Variants in TUBAL3 observed in about 807,000 individuals in gnomAD.
TUBAL3 encodes tubulin alpha like 3.
TUBAL3 carries 16 observed loss-of-function variants against 15.5 expected under a neutral mutation model. The observed-to-expected ratio is 1.04, with a 90% CI of 0.70 to 1.57. The LOEUF (loss-of-function observed/expected upper bound fraction) is 1.57, where lower values mean the gene tolerates loss of function less well. Among genes scored for constraint, TUBAL3 ranks in the 40% most tolerant of loss-of-function variants. The pLI, the probability that TUBAL3 is intolerant of heterozygous loss-of-function variation, is 0.00. For synonymous variants in TUBAL3, 238 were observed against 224.3 expected, an observed-to-expected ratio of 1.06 and a Z score of -0.55; for missense variants, 609 against 576.2, an observed-to-expected ratio of 1.06 and a Z score of -0.58.
At chr10:5,399,063 C>T (rs1334952057) in intron 2 of TUBAL3, among the ~76,000 whole-genome samples, 4 of 152,092 alleles carry the variant, frequency 2.6e-5, no homozygotes, top group African/African-American at 9.7e-5. Context: ...AGAAGGCAAA[C>T]CTAGGACCAA....
intron 1 of TUBAL3, among the ~76,000 whole-genome samples, chr10:5,402,262 A>G (rs1209095998): frequency 6.6e-6 from 1 of 152,234 alleles, no homozygotes; most frequent in Non-Finnish European, 1.5e-5. Context: ...TAAACAGACA[A>G]TGATCTACGT....
chr10:5,393,449 C>G lies in TUBAL3; in HGVS notation c.*68G>C. ...CTCATCAGGGGAACTACCCACTAGG[C>G]ATATAACGGCTTGAAAAGAAAACAT... On this transcript the variant is annotated 3_prime_UTR_variant, in exon 4 of 4. Transcript: ENST00000380419. 1 of 1,390,766 alleles carries G rather than the reference C, an allele frequency of 7.2e-7. No individual in the cohort carries two copies. Among genetic ancestry groups the G allele is most frequent in the Non-Finnish European group, 9.8e-7 (1 of 1,020,336 alleles). 86.2% of individuals were successfully genotyped at this position (1,390,766 alleles called of 1,614,324 possible).
At position 5,394,202 on chromosome 10, in the gene TUBAL3, A is replaced by G; in HGVS notation, c.656T>C (p.Ile219Thr). ...FMVDNEAVYD[I>T]CHRKLGVECP... is the part of the protein sequence containing the mutation. ...TTCAACACCGAGTTTACGATGGCAT[A>G]TATCATAGACGGCCTCGTTGTCCAC... The change falls in exon 4 of 4, where the codon ATA (isoleucine) becomes ACA (threonine). Residue 219 changes from isoleucine (I) to threonine (T), a missense_variant. Ile to Thr is a moderately conservative substitution (Grantham distance 89). Coordinates refer to ENST00000380419, the MANE Select transcript of TUBAL3 (RefSeq NM_024803.3). The surrounding 1 kb of genome is among the most constrained non-coding windows in gnomAD (Gnocchi z 4.3). The G allele has an allele frequency of 1.2e-6, 2 of 1,614,192 alleles. No individual in the cohort carries two copies. Among genetic ancestry groups the G allele is most frequent in the East Asian group, 2.2e-5 (1 of 44,890 alleles).
rs1554814601 is a variant in TUBAL3, at chr10:5,400,997, G to T, written c.94C>A (p.Pro32Thr). 1.9e-6 allele frequency: 3 copies of T among 1,614,186 alleles called. No individual in the cohort carries two copies. Among genetic ancestry groups the T allele is most frequent in the African/African-American group, 2.7e-5 (2 of 75,036 alleles). ...ELYCLEHGIQ[P>T]NGVVLDTQQD... ...TGAGTGTCAAGAACAACGCCATTTG[G>T]CTGGATTCCATGTTCCAGGCAATAG... is the stretch of plus-strand genomic sequence containing the variant. The change falls in exon 2 of 4, where the codon CCA becomes ACA. Residue 32 changes from proline to threonine, a missense_variant. By Grantham distance (38) the Pro-to-Thr change is conservative. Coordinates refer to ENST00000380419, the MANE Select transcript of TUBAL3 (RefSeq NM_024803.3).
In TUBAL3 at chr10:5,394,394, C is replaced by G. The variant is rs1193892941; in HGVS notation, c.464G>C (p.Gly155Ala). The stretch of plus-strand genomic sequence containing the variant: ...CCTCTCCATTAAGAGAGACGTAAAC[C>G]CTGAACCAGTGCCTCCTCCAAAGCT... ...FRSFGGGTGS[G>A]FTSLLMERLT... The change falls in exon 4 of 4, where the codon GGG becomes GCG. Residue 155 changes from glycine to alanine, a missense_variant. Gly to Ala is a moderately conservative substitution (Grantham distance 60, BLOSUM62 0). Transcript: ENST00000380419. The surrounding 1 kb of genome is among the most constrained non-coding windows in gnomAD (Gnocchi z 4.3). 2 of 1,613,924 alleles carry G rather than the reference C, an allele frequency of 1.2e-6. No homozygotes were observed. The highest frequency in any genetic ancestry group is 2.7e-5 in the African/African-American group (2 of 74,884).
intron 1 of TUBAL3, 129 bp from the exon 2 acceptor site, chr10:5,401,216 G>T: frequency 8.6e-7 from 1 of 1,169,472 alleles, no homozygotes; most frequent in Non-Finnish European, 1.2e-6. Context: ...GTGTTATAAG[G>T]ATAATCAAAA....
At position 5,393,765 on chromosome 10, in the gene TUBAL3, G is replaced by T. The variant is rs1420803969; in HGVS notation, c.1093C>A (p.Arg365=). The change falls in exon 4 of 4, where the codon CGG becomes AGG. Residue 365 remains arginine, a synonymous_variant. Coordinates refer to ENST00000380419, the MANE Select transcript of TUBAL3 (RefSeq NM_024803.3). Reference sequence around the variant, plus strand: ...CCACCCGGCATCACCGTGGGCGGCCGATTGTTGATGCCCACCTTGAAACCA... The same window carrying T: ...CCACCCGGCATCACCGTGGGCGGCCTATTGTTGATGCCCACCTTGAAACCA... ...PTGFKVGINN[R]PPTVMPGGDL... is the part of the protein sequence containing the mutation. The T allele has an allele frequency of 6.2e-7, 1 of 1,614,240 alleles. No homozygotes were observed. Among genetic ancestry groups the T allele is most frequent in the Admixed American group, 1.7e-5 (1 of 60,028 alleles).
Position 5,401,044 on chromosome 10 carries a change from A to C in TUBAL3, c.47T>G (p.Ile16Ser). Reference sequence around the variant, plus strand: ...ATAGAGTTCCCAGCAGGCGTCCCCAATCTGGATGCCAGCTTGACCGATGTG... The same window carrying C: ...ATAGAGTTCCCAGCAGGCGTCCCCACTCTGGATGCCAGCTTGACCGATGTG... ...SIHIGQAGIQ[I>S]GDACWELYCL... The change falls in exon 2 of 4, where the codon ATT (isoleucine) becomes AGT (serine). Residue 16 changes from isoleucine to serine, a missense_variant. Transcript: ENST00000380419. The C allele has an allele frequency of 1.9e-6, 3 of 1,614,158 alleles. No individual in the cohort carries two copies.
In TUBAL3 at chr10:5,394,510, G is replaced by A. The variant is rs782165746; in HGVS notation, c.397-49C>T. The A allele has an allele frequency of 6.6e-7, 1 of 1,520,564 alleles. No individual in the cohort carries two copies. The highest frequency in any genetic ancestry group is 2.0e-5 in the Admixed American group (1 of 48,854). The allele number at this position is 1,520,564 out of a possible 1,614,324, so 94.2% of individuals were successfully genotyped here. A position where few individuals can be genotyped will look rare whatever the true frequency, so the allele number is the denominator to read the frequency against. ...AGAATTCAGCTGAATAAATCCAGAA[G>A]CAGTGAATTGGACAGTAGTGGCAGG... On this transcript the variant is annotated intron_variant, in intron 3 of 3. Transcript: ENST00000380419. This position sits in a 1 kb window ranked among gnomAD's most constrained non-coding sequence, Gnocchi z 4.3.
chr10:5,395,917 C>A lies in TUBAL3; in HGVS notation c.248-442G>T, dbSNP rs78485184. 6.8e-3 allele frequency among the ~76,000 whole-genome samples: 1,041 copies of A among 152,240 alleles called. 37 individuals carry two copies. The East Asian group carries it at 0.11, about 16-fold the overall frequency. ...AGCTCTCCTTGGCTTCTAGCTACCC[C>A]CTTCCAATCTCTACCTCTGGCATAC... is the stretch of plus-strand genomic sequence containing the variant. On this transcript the variant is annotated intron_variant, in intron 2 of 3. Transcript: ENST00000380419. This position sits in a 1 kb window ranked among gnomAD's most constrained non-coding sequence, Gnocchi z 4.6.
rs1554814188 is a variant in TUBAL3 at position 5,396,731 on chromosome 10, A to T, written c.248-1256T>A. On this transcript the variant is annotated intron_variant, in intron 2 of 3. Transcript: ENST00000380419. The surrounding 1 kb of genome is among the most constrained non-coding windows in gnomAD (Gnocchi z 5.1). ...CTGCCAGGTCTCATTGCCTTTTAAA[A>T]ACCTGGGCAGCATGCCCTACTCCTC... 6.6e-6 allele frequency among the ~76,000 whole-genome samples: 1 copy of T among 152,164 alleles called. No individual in the cohort carries two copies. The highest frequency in any genetic ancestry group is 2.4e-5 in the African/African-American group (1 of 41,424).
At chr10:5,404,707 T>C in intron 1 of TUBAL3, 83 bp downstream of exon 1, 1 of 1,379,206 alleles carries the variant, frequency 7.3e-7, no homozygotes, top group Non-Finnish European at 1.0e-6. Context: ...TACAATTTTA[T>C]TAAGAATTGT....
rs1831736874 is a variant in TUBAL3, at chr10:5,394,738, A to G, written c.397-277T>C. Reference sequence around the variant, plus strand: ...GTGCATTTATCGGTATGTGATCGCAAACAAGGCCTTCATCAATAACAAAGA... The same window carrying G: ...GTGCATTTATCGGTATGTGATCGCAGACAAGGCCTTCATCAATAACAAAGA... On this transcript the variant is annotated intron_variant, in intron 3 of 3. Coordinates refer to ENST00000380419, the MANE Select transcript of TUBAL3 (RefSeq NM_024803.3). This position sits in a 1 kb window ranked among gnomAD's most constrained non-coding sequence, Gnocchi z 4.3. 6.6e-6 allele frequency among the ~76,000 whole-genome samples: 1 copy of G among 152,226 alleles called. No homozygotes were observed. The highest frequency in any genetic ancestry group is 1.5e-5 in the Non-Finnish European group (1 of 68,036).
chr10:5,404,749 T>A (rs200621685), intron 1 of TUBAL3, 41 bp downstream of exon 1: 126 of 1,611,002 alleles, frequency 7.8e-5, no homozygotes, highest in Non-Finnish European at 9.9e-5. Flanking sequence ...ATATGATTAG[T>A]AAAATTTCCT....
At chr10:5,402,689 G>A (rs1289567723) in intron 1 of TUBAL3, among the ~76,000 whole-genome samples, 4 of 152,238 alleles carry the variant, frequency 2.6e-5, no homozygotes, top group Admixed American at 6.5e-5. Context: ...ATTACTGACT[G>A]AGCTCTGCCT....
chr10:5,401,913 T>C (rs893913405), intron 1 of TUBAL3, among the ~76,000 whole-genome samples: 1 of 152,218 alleles, frequency 6.6e-6, no homozygotes, highest in East Asian at 1.9e-4. Flanking sequence ...TAACCATTTA[T>C]ATATTGTTGA....
intron 2 of TUBAL3, 58 bp downstream of exon 2, chr10:5,400,786 C>A (rs1365049581): frequency 6.2e-7 from 1 of 1,604,980 alleles, no homozygotes; most frequent in African/African-American, 1.3e-5. Flanking sequence ...ATCCCATCCA[C>A]TTGATTTGTT....
intron 2 of TUBAL3, among the ~76,000 whole-genome samples, chr10:5,399,352 T>G (rs1554814434): frequency 6.6e-6 from 1 of 152,106 alleles, no homozygotes; most frequent in Non-Finnish European, 1.5e-5. Flanking sequence ...GTCATAAGGG[T>G]AGAGACTTCA....
chr10:5,397,274 T>C lies in TUBAL3; in HGVS notation c.248-1799A>G, dbSNP rs1395191293. The stretch of plus-strand genomic sequence containing the variant: ...TTCTAAACTCCAATTTTGCAACCTC[T>C]CAAATAATATTTATTGAAATTGAGT... On this transcript the variant is annotated intron_variant, in intron 2 of 3. Transcript: ENST00000380419. The surrounding 1 kb of genome is among the most constrained non-coding windows in gnomAD (Gnocchi z 4.9). Among the ~76,000 whole-genome samples the C allele has an allele frequency of 6.6e-6, 1 of 152,218 alleles. No homozygotes were observed. Among genetic ancestry groups the C allele is most frequent in the Non-Finnish European group, 1.5e-5 (1 of 68,036 alleles).
Sources: allele counts gnomAD v4.1 joint callset (sites outside exome capture counted in the v4.1 genomes callset), GRCh38; gene constraint gnomAD v4.1.1; non-coding constraint Gnocchi (gnomAD v3.1); transcripts MANE v1.5; gene names NCBI Gene and HGNC (gene_info 2026-07-23, HGNC 2026-07-21).